ZNF420: variants seen among roughly 807,000 people sequenced by gnomAD.
ZNF420 encodes the protein ATM and p53-associated KZNF protein.
Under a neutral mutation model 44.7 loss-of-function variants are expected in ZNF420, and 31 were observed. That is an observed-to-expected ratio of 0.69 (90% CI 0.52 to 0.94). The LOEUF (loss-of-function observed/expected upper bound fraction) is 0.94. Among genes scored for constraint, ZNF420 ranks in the 40% least tolerant of loss-of-function variants. The pLI is 0.00. For synonymous variants in ZNF420, 245 were observed against 267.4 expected (o/e 0.92, Z 0.82); for missense variants, 681 against 827.9 (o/e 0.82, Z 2.18).
At chr19:37,065,331 G>A (rs139263451) in intron 1 of ZNF420, among the ~76,000 whole-genome samples, 1 of 152,288 alleles carries the variant, frequency 6.6e-6, no homozygotes, top group East Asian at 1.9e-4. Flanking sequence ...CCTGGACCCC[G>A]GACATGTTCC....
intron 4 of ZNF420, among the ~76,000 whole-genome samples, chr19:37,120,687 C>T (rs1970978992): frequency 6.6e-6 from 1 of 152,022 alleles, no homozygotes; most frequent in South Asian, 2.1e-4. Context: ...TCAAATTGTC[C>T]CTGTTTGCAG....
intron 4 of ZNF420, among the ~76,000 whole-genome samples, chr19:37,114,141 G>A (rs914197853): frequency 6.6e-5 from 10 of 152,010 alleles, no homozygotes; most frequent in East Asian, 3.9e-4. Flanking sequence ...GCCATGCCTC[G>A]GTATCTCCTT....
At chr19:37,115,955 A>G (rs936875522) in intron 4 of ZNF420, among the ~76,000 whole-genome samples, 1 of 152,126 alleles carries the variant, frequency 6.6e-6, no homozygotes, top group Non-Finnish European at 1.5e-5. Context: ...CTTTTTTAAC[A>G]AAGCACATCC....
chr19:37,128,005 G>A lies in ZNF420; in HGVS notation c.1014G>A (p.Lys338=). 6.2e-7 allele frequency: 1 copy of A among 1,613,292 alleles called. No homozygotes were observed. Among genetic ancestry groups the A allele is most frequent in the Non-Finnish European group, 8.5e-7 (1 of 1,179,800 alleles). The change falls in exon 5 of 5, where the codon AAG becomes AAA. Residue 338 remains lysine, a synonymous_variant. Coordinates refer to ENST00000337995, the MANE Select transcript of ZNF420 (RefSeq NM_144689.5). ...ATGGGGAAAAACCATATGAATGTAAGGAATGTGGAAGGGCCTTTATTCGGG... is the reference window on the plus strand; with the variant it reads ...ATGGGGAAAAACCATATGAATGTAAAGAATGTGGAAGGGCCTTTATTCGGG... ...IHNGEKPYEC[K]ECGRAFIRGS...
At chr19:37,123,678 A>G (rs1371743719) in intron 4 of ZNF420, among the ~76,000 whole-genome samples, 1 of 129,440 alleles carries the variant, frequency 7.7e-6, no homozygotes, top group Non-Finnish European at 1.5e-5. Flanking sequence ...ATCTTGGCTC[A>G]CTGCAACCTC....
At chr19:37,035,942 T>A (rs553908512) in intron 1 of ZNF420, among the ~76,000 whole-genome samples, 1 of 152,338 alleles carries the variant, frequency 6.6e-6, no homozygotes, top group African/African-American at 2.4e-5. Context: ...TATTTTCACA[T>A]TGCTAAGTTG....
intron 1 of ZNF420, among the ~76,000 whole-genome samples, chr19:37,038,578 G>A (rs1248063300): frequency 6.6e-6 from 1 of 152,190 alleles, no homozygotes; most frequent in Non-Finnish European, 1.5e-5. Flanking sequence ...AATGTTGACA[G>A]CATCTTCACC....
In ZNF420 at chr19:37,129,868, G is replaced by A; in HGVS notation, c.*810G>A. The A allele has an allele frequency of 2.2e-6, 2 of 919,478 alleles. No individual in the cohort carries two copies. Among genetic ancestry groups the A allele is most frequent in the East Asian group, 3.0e-5 (1 of 33,318 alleles). 57.0% of individuals were successfully genotyped at this position (919,478 alleles called of 1,614,324 possible). A position where few individuals can be genotyped will look rare whatever the true frequency, so the allele number is the denominator to read the frequency against. ...AAGATCCAAAGTCTAATAAATCTAGGAATTTTTTAAAAACTTGAATGTATT... is the reference window on the plus strand; with the variant it reads ...AAGATCCAAAGTCTAATAAATCTAGAAATTTTTTAAAAACTTGAATGTATT... On this transcript the variant is annotated 3_prime_UTR_variant, in exon 5 of 5. Transcript: ENST00000337995.
At chr19:37,084,010 C>A (rs1417643646) in intron 2 of ZNF420, among the ~76,000 whole-genome samples, 1 of 151,992 alleles carries the variant, frequency 6.6e-6, no homozygotes, top group Non-Finnish European at 1.5e-5. Flanking sequence ...CTGAAAAAAT[C>A]TTAATTCGTA....
chr19:37,015,028 C>A (rs2074599503), intron 1 of ZNF420, among the ~76,000 whole-genome samples: 1 of 152,218 alleles, frequency 6.6e-6, no homozygotes, highest in African/African-American at 2.4e-5. Context: ...TGCCTATGTG[C>A]CCGAGGGCTG....
intron 4 of ZNF420, among the ~76,000 whole-genome samples, chr19:37,126,139 C>T (rs1971334532): frequency 6.6e-6 from 1 of 152,142 alleles, no homozygotes; most frequent in African/African-American, 2.4e-5. Context: ...ACTCAGGTGC[C>T]TTTTATAATT....
At chr19:37,105,325 T>C (rs898954347) in intron 4 of ZNF420, among the ~76,000 whole-genome samples, 6 of 152,212 alleles carry the variant, frequency 3.9e-5, no homozygotes, top group Non-Finnish European at 8.8e-5. Context: ...GTGGTATTAT[T>C]TCTGAGGGCT....
chr19:37,020,692 C>G (rs1412743578), intron 1 of ZNF420, among the ~76,000 whole-genome samples: 1 of 152,214 alleles, frequency 6.6e-6, no homozygotes, highest in African/African-American at 2.4e-5. Flanking sequence ...AGTAAATACA[C>G]ACAGTGCACA....
At chr19:37,101,170 A>G (rs1182607395) in intron 4 of ZNF420, among the ~76,000 whole-genome samples, 3 of 152,118 alleles carry the variant, frequency 2.0e-5, no homozygotes, top group Admixed American at 6.5e-5. Context: ...GTTTATGGAC[A>G]CGTGATGTCT....
intron 1 of ZNF420, among the ~76,000 whole-genome samples, chr19:37,069,288 T>C (rs571464742): frequency 1.2e-3 from 184 of 152,302 alleles, no homozygotes; most frequent in African/African-American, 4.3e-3. Context: ...TTGATATATG[T>C]CATCAAAGGA....
intron 4 of ZNF420, among the ~76,000 whole-genome samples, chr19:37,093,596 C>T (rs1969278042): frequency 2.6e-5 from 4 of 152,162 alleles, no homozygotes; most frequent in Non-Finnish European, 5.9e-5. Flanking sequence ...ACACCTCCCA[C>T]CAAGCCCCAC....
chr19:37,012,812 G>A (rs1054273154), intron 1 of ZNF420, among the ~76,000 whole-genome samples: 1 of 142,148 alleles, frequency 7.0e-6, no homozygotes, highest in East Asian at 2.0e-4. Context: ...GTGTGTGTGT[G>A]TCTCCCATTC....
At position 37,128,907 on chromosome 19, in the gene ZNF420, G is replaced by C; in HGVS notation, c.1916G>C (p.Gly639Ala). The C allele has an allele frequency of 5.6e-6, 9 of 1,614,038 alleles. No individual in the cohort carries two copies. Among genetic ancestry groups the C allele is most frequent in the Non-Finnish European group, 7.6e-6 (9 of 1,179,984 alleles). Residue 639 changes from glycine (G) to alanine (A), a missense_variant, in exon 5 of 5, where the codon GGT (glycine) becomes GCT (alanine). Gly to Ala is a moderately conservative substitution (Grantham distance 60, BLOSUM62 0). Transcript: ENST00000337995. ...HLSRHQRIHT[G>A]EKPYQCKECG... ...TCTCGGCATCAGAGAATTCATACTGGTGAGAAACCATATCAATGTAAGGAA... is the reference window on the plus strand; with the variant it reads ...TCTCGGCATCAGAGAATTCATACTGCTGAGAAACCATATCAATGTAAGGAA...
chr19:37,026,433 C>CCTT (rs1157384885), intron 1 of ZNF420, among the ~76,000 whole-genome samples: 1 of 152,048 alleles, frequency 6.6e-6, no homozygotes, highest in East Asian at 1.9e-4. Context: ...GATTCTCCTG[C>CCTT]CTTAACTTCC....
Sources: allele counts gnomAD v4.1 joint callset (sites outside exome capture counted in the v4.1 genomes callset), GRCh38; gene constraint gnomAD v4.1.1; transcripts MANE v1.5; gene names NCBI Gene and HGNC (gene_info 2026-07-23, HGNC 2026-07-21).